Variants in CNTRL observed in about 807,000 individuals in gnomAD.
CNTRL encodes the protein 110 kDa centrosomal protein.
Under a neutral mutation model 303.7 loss-of-function variants are expected in CNTRL, and 233 were observed. The observed-to-expected ratio is 0.77, with a 90% CI of 0.69 to 0.86. The LOEUF (loss-of-function observed/expected upper bound fraction) is 0.86, where lower values mean the gene tolerates loss of function less well. CNTRL is among the 40% of genes least tolerant of loss of function. The pLI, the probability that CNTRL is intolerant of heterozygous loss-of-function variation, is 0.00. For missense variants in CNTRL, 2,524 were observed against 2,650.6 expected (o/e 0.95, Z 1.05); for synonymous variants, 900 against 922.2 (o/e 0.98, Z 0.44).
At chr9:121,150,078 G>A in intron 24 of CNTRL, 92 bp from the exon 25 acceptor site, 1 of 968,240 alleles carries the variant, frequency 1.0e-6, no homozygotes, top group Non-Finnish European at 1.5e-6. Context: ...TGGCTTAAAT[G>A]CTGCTGTTCT....
chr9:121,076,423 G>A (rs2047927600), intron 1 of CNTRL, among the ~76,000 whole-genome samples: 1 of 151,514 alleles, frequency 6.6e-6, no homozygotes, highest in African/African-American at 2.4e-5. Flanking sequence ...AAGGCAAATA[G>A]GCAGGCAGTT....
At position 121,150,339 on chromosome 9, in the gene CNTRL, C is replaced by T; in HGVS notation, c.3819C>T (p.Ser1273=). The T allele has an allele frequency of 6.2e-7, 1 of 1,614,184 alleles. No individual in the cohort carries two copies. Among genetic ancestry groups the T allele is most frequent in the Non-Finnish European group, 8.5e-7 (1 of 1,180,026 alleles). ...CACCTCCTCCCTTGCCAAACAATAGCCGACCTCTCACCCCTGGCACTGTTG... is the reference window on the plus strand; with the variant it reads ...CACCTCCTCCCTTGCCAAACAATAGTCGACCTCTCACCCCTGGCACTGTTG... ...YAPPPPLPNN[S]RPLTPGTVVY... Residue 1273 remains serine (S), a synonymous_variant, in exon 25 of 44, where the codon AGC becomes AGT. Coordinates refer to ENST00000373855, the MANE Select transcript of CNTRL (RefSeq NM_007018.6).
intron 43 of CNTRL, among the ~76,000 whole-genome samples, chr9:121,176,103 C>G: frequency 6.6e-6 from 1 of 152,198 alleles, no homozygotes; most frequent in East Asian, 1.9e-4. Context: ...TTTCCAGTGC[C>G]TATTGTGTGC....
intron 23 of CNTRL, among the ~76,000 whole-genome samples, chr9:121,147,711 A>T (rs192407136): frequency 6.6e-6 from 1 of 152,310 alleles, no homozygotes; most frequent in Admixed American, 6.5e-5. Context: ...TCAGCCGATG[A>T]GCAATAGTCA....
At chr9:121,095,089 C>A in intron 5 of CNTRL, 71 bp downstream of exon 5, 1 of 1,106,552 alleles carries the variant, frequency 9.0e-7, no homozygotes, top group Non-Finnish European at 1.3e-6. Flanking sequence ...TAATGTTATC[C>A]ACATTACTGA....
intron 15 of CNTRL, among the ~76,000 whole-genome samples, chr9:121,136,910 A>C (rs537702035): frequency 4.1e-4 from 63 of 152,272 alleles, no homozygotes; most frequent in African/African-American, 1.4e-3. Flanking sequence ...AGGGAAGACC[A>C]CCCTACAGAA....
intron 8 of CNTRL, among the ~76,000 whole-genome samples, chr9:121,108,557 T>C (rs2049591080): frequency 1.3e-5 from 2 of 151,832 alleles, no homozygotes; most frequent in African/African-American, 4.8e-5. Context: ...AGTTTTTGCT[T>C]TTTTTTTCTA....
intron 2 of CNTRL, among the ~76,000 whole-genome samples, chr9:121,081,041 CTGAG>C (rs1331740955): frequency 6.6e-6 from 1 of 152,208 alleles, no homozygotes; most frequent in East Asian, 1.9e-4. Flanking sequence ...CGCTAATAGA[CTGAG>C]TGAGGAAACT....
At chr9:121,144,137 A>C in intron 20 of CNTRL, 55 bp downstream of exon 20, 1 of 1,435,896 alleles carries the variant, frequency 7.0e-7, no homozygotes, top group South Asian at 1.3e-5. Context: ...GTCAAAAAAC[A>C]TGGCAACTTG....
At chr9:121,113,837 T>C (rs528110099) in intron 10 of CNTRL, 113 bp downstream of exon 10, 1 of 626,374 alleles carries the variant, frequency 1.6e-6, no homozygotes, top group East Asian at 3.2e-5. Context: ...ATTGTTTCCA[T>C]GAAAAGTCTA....
intron 7 of CNTRL, among the ~76,000 whole-genome samples, chr9:121,107,240 G>A (rs1170879184): frequency 6.6e-6 from 1 of 152,160 alleles, no homozygotes; most frequent in African/African-American, 2.4e-5. Flanking sequence ...GGGAAAGTGT[G>A]TGAATAAAAG....
intron 4 of CNTRL, among the ~76,000 whole-genome samples, chr9:121,091,943 C>G (rs1254595002): frequency 1.4e-5 from 2 of 140,492 alleles, no homozygotes; most frequent in African/African-American, 2.7e-5. Flanking sequence ...GGCCGATGCC[C>G]TCTCTTACCA....
At chr9:121,143,381 C>T (rs781008686) in intron 19 of CNTRL, among the ~76,000 whole-genome samples, 4 of 152,110 alleles carry the variant, frequency 2.6e-5, no homozygotes, top group Admixed American at 2.0e-4. Context: ...TACTCATGAC[C>T]CTGCTCCCCA....
In CNTRL at chr9:121,146,164, GT is replaced by G. The variant is rs2051840810; in HGVS notation, c.3370del (p.Ser1124LeufsTer7). 3 of 1,613,540 alleles carry G rather than the reference GT, an allele frequency of 1.9e-6. No individual in the cohort carries two copies. The highest frequency in any genetic ancestry group is 2.5e-6 in the Non-Finnish European group (3 of 1,179,850). ...LEEIAELRRE[V>X]SYQNDYISSM... is the part of the protein sequence containing the mutation. Reference sequence around the variant, plus strand: ...AGAAATTGCTGAACTTCGACGTGAAGTTTCTTATCAGAATGATTACATAAGC... The same window carrying G: ...AGAAATTGCTGAACTTCGACGTGAAGTTCTTATCAGAATGATTACATAAGC... On this transcript the variant is annotated frameshift_variant, in exon 23 of 44. Transcript: ENST00000373855. LOFTEE classifies it high-confidence loss of function.
intron 11 of CNTRL, among the ~76,000 whole-genome samples, chr9:121,117,388 T>C (rs1391671296): frequency 6.6e-6 from 1 of 152,190 alleles, no homozygotes; most frequent in East Asian, 1.9e-4. Context: ...TCTTGAGAAA[T>C]TTTTATATTT....
Position 121,150,402 on chromosome 9 carries a change from T to G in CNTRL, c.3882T>G (p.Tyr1294Ter), listed in dbSNP as rs760853197. ...GPPPAGAPMV[Y>*]GPPPPNFSIP... ...CTCCTGCTGGGGCCCCCATGGTGTATGGGCCTCCACCCCCCAACTTCTCCA... is the reference window on the plus strand; with the variant it reads ...CTCCTGCTGGGGCCCCCATGGTGTAGGGGCCTCCACCCCCCAACTTCTCCA... Residue 1294 changes from tyrosine to a stop codon, truncating the protein, a stop_gained, in exon 25 of 44, where the codon TAT (tyrosine) becomes TAG (stop). Coordinates refer to ENST00000373855, the MANE Select transcript of CNTRL (RefSeq NM_007018.6). LOFTEE classifies it high-confidence loss of function. 5.0e-6 allele frequency: 8 copies of G among 1,614,156 alleles called. No homozygotes were observed. The highest frequency in any genetic ancestry group is 6.8e-6 in the Non-Finnish European group (8 of 1,180,030).
chr9:121,150,424 T>A lies in CNTRL; in HGVS notation c.3904T>A (p.Ser1302Thr). ...MVYGPPPPNF[S>T]IPFIPMGVLH... The stretch of plus-strand genomic sequence containing the variant: ...GTATGGGCCTCCACCCCCCAACTTC[T>A]CCATCCCCTTCATCCCTATGGGTGT... Residue 1302 changes from serine to threonine, a missense_variant, in exon 25 of 44, where the codon TCC (serine) becomes ACC (threonine). By Grantham distance (58) the Ser-to-Thr change is moderately conservative (BLOSUM62 1). Coordinates refer to ENST00000373855, the MANE Select transcript of CNTRL (RefSeq NM_007018.6). 6.2e-7 allele frequency: 1 copy of A among 1,614,126 alleles called. No individual in the cohort carries two copies. Among genetic ancestry groups the A allele is most frequent in the Non-Finnish European group, 8.5e-7 (1 of 1,180,028 alleles).
intron 25 of CNTRL, among the ~76,000 whole-genome samples, chr9:121,151,392 T>TC: frequency 7.4e-6 from 1 of 135,372 alleles, no homozygotes; most frequent in Non-Finnish European, 1.6e-5. Context: ...TTCTTCTTTT[T>TC]TTTTTTTTTT....
At position 121,168,437 on chromosome 9, in the gene CNTRL, GA is replaced by G. The variant is rs1215681391; in HGVS notation, c.6070+117del. 26 of 803,676 alleles carry G rather than the reference GA, an allele frequency of 3.2e-5. No individual in the cohort carries two copies. The East Asian group carries it at 6.8e-4, about 21-fold the overall frequency. 49.8% of individuals were successfully genotyped at this position (803,676 alleles called of 1,614,324 possible). ...AGCCAGAGCCCAGGAGAGGAGGCAG[GA>G]GAAGTAAAGCAGGAGGTATGATAGC... On this transcript the variant is annotated intron_variant, in intron 38 of 43. Transcript: ENST00000373855.
Sources: gnomAD v4.1 joint callset for allele counts (sites outside exome capture counted in the v4.1 genomes callset) on GRCh38, gnomAD v4.1.1 for gene constraint, MANE v1.5 for transcripts, NCBI Gene and HGNC (gene_info 2026-07-23, HGNC 2026-07-21) for gene names.